MEIOSIN: variants seen among roughly 807,000 people sequenced by gnomAD.
MEIOSIN encodes the protein meiosis initiator protein.
MEIOSIN carries 18 observed loss-of-function variants against 23.4 expected under a neutral mutation model. That is an observed-to-expected ratio of 0.77 (90% CI 0.53 to 1.14). The LOEUF is 1.14. Among genes scored for constraint, MEIOSIN ranks in the 50% most tolerant of loss-of-function variants. The pLI is 0.00. For missense variants in MEIOSIN, 428 were observed against 242.9 expected (o/e 1.76, Z -5.07); for synonymous variants, 187 against 100.6 (o/e 1.86, Z -5.14).
intron 3 of MEIOSIN, 138 bp downstream of exon 3, chr19:45,739,868 A>C: frequency 1.6e-6 from 1 of 607,450 alleles, no homozygotes; most frequent in Non-Finnish European, 3.0e-6. Flanking sequence ...TTTTTTTGAG[A>C]CAGAGCTTTG....
intron 3 of MEIOSIN, among the ~76,000 whole-genome samples, chr19:45,740,489 G>A (rs759712181): frequency 4.6e-5 from 7 of 152,264 alleles, no homozygotes; most frequent in African/African-American, 7.2e-5. Context: ...GGAGGCTCAC[G>A]CCTGTAATCC....
At chr19:45,759,314 C>T (rs1968895779) in intron 10 of MEIOSIN, 100 bp from the exon 11 acceptor site, 3 of 674,044 alleles carry the variant, frequency 4.5e-6, no homozygotes, top group African/African-American at 1.8e-5. Flanking sequence ...AGGAGAACGC[C>T]AGAGACGGGG....
At chr19:45,751,628 G>A (rs768727391) in intron 5 of MEIOSIN, among the ~76,000 whole-genome samples, 19 of 148,508 alleles carry the variant, frequency 1.3e-4, no homozygotes, top group East Asian at 6.2e-4. Context: ...TCTGCCTCCC[G>A]GGCCTCTGCC....
chr19:45,735,727 A>C (rs1968398487), intron 2 of MEIOSIN, among the ~76,000 whole-genome samples: 1 of 151,998 alleles, frequency 6.6e-6, no homozygotes, highest in East Asian at 1.9e-4. Context: ...CCCAGGCTGG[A>C]GTGCAGTGTT....
chr19:45,745,700 G>A (rs535643410), intron 4 of MEIOSIN, among the ~76,000 whole-genome samples: 16 of 152,242 alleles, frequency 1.1e-4, no homozygotes, highest in Middle Eastern at 3.4e-3. Flanking sequence ...CTGAGTAGCT[G>A]GGACTACAGG....
chr19:45,751,278 TAA>T (rs987108427), intron 5 of MEIOSIN, among the ~76,000 whole-genome samples: 25 of 136,530 alleles, frequency 1.8e-4, no homozygotes, highest in Non-Finnish European at 3.1e-4. Flanking sequence ...TCTCAAATAA[TAA>T]TAATAATAAT....
At chr19:45,742,422 G>A (rs1461223047) in intron 3 of MEIOSIN, among the ~76,000 whole-genome samples, 3 of 152,072 alleles carry the variant, frequency 2.0e-5, no homozygotes, top group Non-Finnish European at 2.9e-5. Context: ...TGAGGTTACA[G>A]TGAGCTATGA....
rs542475052 is a variant in MEIOSIN, at chr19:45,764,135, C to T, written c.*17C>T. The T allele has an allele frequency of 1.5e-5, 6 of 398,534 alleles. No homozygotes were observed. Among genetic ancestry groups the T allele is most frequent in the Non-Finnish European group, 2.7e-5 (6 of 226,072 alleles). The allele number at this position is 398,534 out of a possible 1,614,324, so 24.7% of individuals were successfully genotyped here. On this transcript the variant is annotated 3_prime_UTR_variant, in exon 15 of 15. Transcript: ENST00000457052. ...CTCCAGTGAGAGGGCGGCCCCTCGCCTCGCTCCCCTCACCCCTCATGGCAA... is the reference window on the plus strand; with the variant it reads ...CTCCAGTGAGAGGGCGGCCCCTCGCTTCGCTCCCCTCACCCCTCATGGCAA...
chr19:45,753,553 C>T, intron 5 of MEIOSIN, 98 bp from the exon 6 acceptor site: 1 of 611,158 alleles, frequency 1.6e-6, no homozygotes, highest in Admixed American at 2.7e-5. Flanking sequence ...GGGGCCCACC[C>T]TGACCCGGGA....
Position 45,739,611 on chromosome 19 carries a change from G to T in MEIOSIN, c.72-15G>T. ...ACTCCAACCCTGAACCAATCACTGT[G>T]ACTATTCTTGGCAGGACCTTGGTTT... is the stretch of plus-strand genomic sequence containing the variant. On this transcript the variant is annotated splice_polypyrimidine_tract_variant and intron_variant, in intron 2 of 14. Transcript: ENST00000457052. The T allele has an allele frequency of 1.4e-6, 1 of 702,912 alleles. No individual in the cohort carries two copies. Among genetic ancestry groups the T allele is most frequent in the South Asian group, 1.5e-5 (1 of 67,580 alleles). The allele number at this position is 702,912 out of a possible 1,614,324, so 43.5% of individuals were successfully genotyped here.
chr19:45,751,791 C>T (rs548806187), intron 5 of MEIOSIN, among the ~76,000 whole-genome samples: 4 of 151,424 alleles, frequency 2.6e-5, no homozygotes, highest in African/African-American at 4.9e-5. Flanking sequence ...AGTGCAGTGG[C>T]GTGATCTTGG....
At chr19:45,752,493 C>G (rs1346404725) in intron 5 of MEIOSIN, among the ~76,000 whole-genome samples, 1 of 152,106 alleles carries the variant, frequency 6.6e-6, no homozygotes, top group African/African-American at 2.4e-5. Context: ...AGATGTGAGC[C>G]ATCGTGCCTG....
chr19:45,737,956 A>G (rs7254505), intron 2 of MEIOSIN, among the ~76,000 whole-genome samples: 2,939 of 150,842 alleles, frequency 0.019, 95 homozygotes, highest in African/African-American at 0.068. Flanking sequence ...GGGTCTCACC[A>G]TGCTGCCTAC....
chr19:45,759,275 G>A, intron 10 of MEIOSIN, 139 bp from the exon 11 acceptor site: 1 of 645,016 alleles, frequency 1.6e-6, no homozygotes, highest in African/African-American at 1.8e-5. Context: ...GCTGTGAGCG[G>A]GATTTGGACC....
At position 45,752,834 on chromosome 19, in the gene MEIOSIN, A is replaced by G. The variant is rs115374756; in HGVS notation, c.419-817A>G. 5.4e-3 allele frequency among the ~76,000 whole-genome samples: 822 copies of G among 151,704 alleles called. 8 individuals carry two copies. The highest frequency in any genetic ancestry group is 0.018 in the African/African-American group (727 of 41,326). On this transcript the variant is annotated intron_variant, in intron 5 of 14. Transcript: ENST00000457052. ...CATCTCCATGCCACGCAGACCTCCA[A>G]TCACACCCAATGACTTGCCTGTCCC...
intron 3 of MEIOSIN, among the ~76,000 whole-genome samples, chr19:45,743,502 T>C (rs1037441309): frequency 1.9e-4 from 29 of 152,018 alleles, no homozygotes; most frequent in African/African-American, 7.0e-4. Flanking sequence ...TACCAGGAGG[T>C]AACTTGGGGA....
intron 5 of MEIOSIN, 116 bp from the exon 6 acceptor site, chr19:45,753,535 T>C: frequency 1.7e-6 from 1 of 597,166 alleles, no homozygotes; most frequent in Admixed American, 2.9e-5. Flanking sequence ...CACTGTAAAG[T>C]CAGCCTGGGG....
intron 14 of MEIOSIN, 78 bp from the exon 15 acceptor site, chr19:45,763,893 G>C (rs1969001825): frequency 2.5e-6 from 1 of 398,294 alleles, no homozygotes; most frequent in South Asian, 1.3e-4. Context: ...CCCCTGCGGG[G>C]ACACAGGATT....
At chr19:45,741,618 G>A (rs1377161764) in intron 3 of MEIOSIN, among the ~76,000 whole-genome samples, 3 of 151,820 alleles carry the variant, frequency 2.0e-5, no homozygotes, top group Non-Finnish European at 2.9e-5. Flanking sequence ...GGCTGAGGTA[G>A]GAGAATCACT....
Sources: allele counts gnomAD v4.1 joint callset (sites outside exome capture counted in the v4.1 genomes callset), GRCh38; gene constraint gnomAD v4.1.1; transcripts MANE v1.5; gene names NCBI Gene and HGNC (gene_info 2026-07-23, HGNC 2026-07-21).